INSC: variants seen among roughly 807,000 people sequenced by gnomAD.
The protein encoded by INSC is INSC spindle orientation adaptor protein, also known as protein inscuteable homolog.
In INSC, 67 loss-of-function variants were observed where a neutral mutation model predicts 58.6. The observed-to-expected ratio is 1.14, with a 90% confidence interval of 0.94 to 1.40. The LOEUF (loss-of-function observed/expected upper bound fraction) is 1.40. INSC is among the 40% of genes most tolerant of loss of function. The pLI is 0.00. For missense variants in INSC, 714 were observed against 692.0 expected, an observed-to-expected ratio of 1.03 and a Z score of -0.36; for synonymous variants, 262 against 276.1, an observed-to-expected ratio of 0.95 and a Z score of 0.51.
the INSC span, among the ~76,000 whole-genome samples, chr11:15,259,910 A>G: frequency 6.6e-6 from 1 of 152,186 alleles, no homozygotes; most frequent in Non-Finnish European, 1.5e-5. Context: ...TCCCTAAACA[A>G]TTGAAAGTAC....
Position 15,149,110 on chromosome 11 carries a change from A to T in INSC, c.-45-20A>T, listed in dbSNP as rs754568362. The T allele has an allele frequency of 3.1e-6, 5 of 1,588,830 alleles. No individual in the cohort carries two copies. The highest frequency in any genetic ancestry group is 4.3e-6 in the Non-Finnish European group (5 of 1,168,008). ...TCCTCTTTTAGGATCTCGTTGTGCC[A>T]TCCTGCCCTCTATTTTCAGGGTCAC... is the stretch of plus-strand genomic sequence containing the variant. On this transcript the variant is annotated intron_variant, in intron 1 of 12. Coordinates refer to ENST00000379556, the MANE Select transcript of INSC (RefSeq NM_001042536.3).
chr11:15,245,448 C>T (rs1852524238), intron 12 of INSC, among the ~76,000 whole-genome samples: 1 of 152,184 alleles, frequency 6.6e-6, no homozygotes, highest in South Asian at 2.1e-4. Flanking sequence ...GCCAGCACCT[C>T]TCTTTCCTGT....
intron 1 of INSC, among the ~76,000 whole-genome samples, chr11:15,127,688 G>A (rs1848029353): frequency 6.6e-6 from 1 of 152,186 alleles, no homozygotes; most frequent in Admixed American, 6.5e-5. Flanking sequence ...GGAGGCAGTG[G>A]TGTTTTCTTC....
the INSC span, among the ~76,000 whole-genome samples, chr11:15,256,334 G>T: frequency 7.2e-5 from 11 of 152,232 alleles, no homozygotes; most frequent in Admixed American, 1.3e-4. Flanking sequence ...ATTTAATAAT[G>T]AACTTACTTA....
chr11:15,225,679 G>T lies in INSC; in HGVS notation c.1021G>T (p.Val341Phe), dbSNP rs776444280. 6.2e-7 allele frequency: 1 copy of T among 1,614,232 alleles called. No individual in the cohort carries two copies. Among genetic ancestry groups the T allele is most frequent in the Admixed American group, 1.7e-5 (1 of 60,026 alleles). The change falls in exon 9 of 13, where the codon GTC (valine) becomes TTC (phenylalanine). Residue 341 changes from valine (V) to phenylalanine (F), a missense_variant. Val to Phe is a conservative substitution (Grantham distance 50). Coordinates refer to ENST00000379556, the MANE Select transcript of INSC (RefSeq NM_001042536.3). Reference protein sequence around the residue: ...KLCQEASSGEVFLLASAALAN... With the variant: ...KLCQEASSGEFFLLASAALAN... ...GTGCCAAGAGGCCTCATCAGGGGAA[G>T]TCTTCCTACTGGCCTCTGCGGCCCT...
chr11:15,190,568 T>A, intron 5 of INSC, 133 bp from the exon 6 acceptor site: 3 of 712,702 alleles, frequency 4.2e-6, no homozygotes, highest in Non-Finnish European at 7.7e-6. Context: ...GCACTCACAA[T>A]GAGGCAGTAG....
chr11:15,230,026 ATAT>A lies in INSC; in HGVS notation c.1170+4199_1170+4201del, dbSNP rs1851864828. 5.8e-5 allele frequency among the ~76,000 whole-genome samples: 4 copies of A among 68,950 alleles called. No homozygotes were observed. The South Asian group carries it at 1.7e-3, about 30-fold the overall frequency. 45.2% of individuals were successfully genotyped at this position (68,950 alleles called of 152,430 possible). ...ATATATATATATAATATATATATAT[ATAT>A]ATATATATATAAAAGCCAGGCATGG... On this transcript the variant is annotated intron_variant, in intron 9 of 12. Coordinates refer to ENST00000379556, the MANE Select transcript of INSC (RefSeq NM_001042536.3).
the INSC span, among the ~76,000 whole-genome samples, chr11:15,266,953 G>T: frequency 4.3e-4 from 66 of 152,018 alleles, no homozygotes; most frequent in South Asian, 1.5e-3. Flanking sequence ...GAAAATAGAA[G>T]CTATTATTGC....
chr11:15,142,232 G>T (rs1313715366), intron 1 of INSC, among the ~76,000 whole-genome samples: 1 of 152,208 alleles, frequency 6.6e-6, no homozygotes, highest in East Asian at 1.9e-4. Flanking sequence ...AGGTGAAGAA[G>T]TCTTCTGTAT....
chr11:15,170,415 A>G (rs1627802), intron 2 of INSC, among the ~76,000 whole-genome samples: 115,129 of 151,688 alleles, frequency 0.76, 45,411 homozygotes, highest in East Asian at 0.98. Context: ...ACCACTTTGA[A>G]GAGTATTGGT....
At chr11:15,256,674 G>A in the INSC span, among the ~76,000 whole-genome samples, 1 of 152,090 alleles carries the variant, frequency 6.6e-6, no homozygotes, top group Non-Finnish European at 1.5e-5. Flanking sequence ...ATTTTTAGTA[G>A]AGATGGGGTT....
At chr11:15,125,141 A>G (rs941664810) in intron 1 of INSC, among the ~76,000 whole-genome samples, 2 of 152,206 alleles carry the variant, frequency 1.3e-5, no homozygotes, top group Admixed American at 1.3e-4. Flanking sequence ...TTCTCTGATA[A>G]GCAGGCATTT....
chr11:15,232,209 A>G (rs761532398), intron 9 of INSC, among the ~76,000 whole-genome samples: 3 of 152,140 alleles, frequency 2.0e-5, no homozygotes, highest in Non-Finnish European at 4.4e-5. Flanking sequence ...CACCTTTGGG[A>G]GGGATCTCAC....
At chr11:15,231,161 A>G (rs1163324630) in intron 9 of INSC, among the ~76,000 whole-genome samples, 2 of 152,228 alleles carry the variant, frequency 1.3e-5, no homozygotes, top group Non-Finnish European at 2.9e-5. Context: ...AAGTATTTTC[A>G]AAGAGATCCA....
chr11:15,149,316 G>A (rs909567935), intron 2 of INSC, 86 bp downstream of exon 2: 4 of 1,311,000 alleles, frequency 3.1e-6, no homozygotes, highest in South Asian at 2.0e-5. Flanking sequence ...GAGGCTGCAG[G>A]TGACCCCATC....
At chr11:15,198,773 G>C (rs1259986404) in intron 6 of INSC, among the ~76,000 whole-genome samples, 1 of 152,006 alleles carries the variant, frequency 6.6e-6, no homozygotes, top group Non-Finnish European at 1.5e-5. Context: ...TCATTCTAAA[G>C]AGTAACTTGG....
chr11:15,144,758 T>A (rs957538565), intron 1 of INSC, among the ~76,000 whole-genome samples: 5 of 152,182 alleles, frequency 3.3e-5, no homozygotes, highest in Non-Finnish European at 7.3e-5. Flanking sequence ...AGCCTCCATT[T>A]CCTCCACAAA....
At chr11:15,171,438 C>A (rs1214710210) in intron 2 of INSC, among the ~76,000 whole-genome samples, 1 of 152,182 alleles carries the variant, frequency 6.6e-6, no homozygotes, top group Non-Finnish European at 1.5e-5. Flanking sequence ...ACCTTTCTGG[C>A]TTTCCTTATC....
chr11:15,248,788 T>G (rs745557034), downstream of INSC, among the ~76,000 whole-genome samples: 1 of 152,156 alleles, frequency 6.6e-6, no homozygotes, highest in African/African-American at 2.4e-5. Flanking sequence ...AGGGGCCTAG[T>G]AGGAAACAGA....
Sources: gnomAD v4.1 joint callset for allele counts (sites outside exome capture counted in the v4.1 genomes callset) on GRCh38, gnomAD v4.1.1 for gene constraint, MANE v1.5 for transcripts, NCBI Gene and HGNC (gene_info 2026-07-23, HGNC 2026-07-21) for gene names.